The following RIMS1 variants were observed in gnomAD, a reference collection of about 807,000 sequenced individuals.
The protein encoded by RIMS1 is regulating synaptic membrane exocytosis 1.
Under a neutral mutation model 214.1 loss-of-function variants are expected in RIMS1, and 83 were observed. The observed-to-expected ratio is 0.39, with a 90% CI of 0.32 to 0.47. The LOEUF (loss-of-function observed/expected upper bound fraction) is 0.47, where lower values mean the gene tolerates loss of function less well. Ranked by LOEUF, RIMS1 falls within the 20% of genes least tolerant of loss-of-function variation. The pLI is 0.99. For synonymous variants in RIMS1, 793 were observed against 786.8 expected (o/e 1.01, Z -0.13); for missense variants, 2,050 against 2,161.8 (o/e 0.95, Z 1.03).
At chr6:72,134,808 T>C (rs1438600800) in intron 4 of RIMS1, among the ~76,000 whole-genome samples, 1 of 152,064 alleles carries the variant, frequency 6.6e-6, no homozygotes, top group African/African-American at 2.4e-5. Context: ...AAATACATTC[T>C]CCCTCATCTC....
At chr6:72,196,369 GTCTGTCTGTCTA>G (rs1214107168) in intron 6 of RIMS1, among the ~76,000 whole-genome samples, 38 of 123,040 alleles carry the variant, frequency 3.1e-4, no homozygotes, top group African/African-American at 1.2e-3. Flanking sequence ...CTGTCTGTCT[GTCTGTCTGTCTA>G]TCTATCTATC....
intron 28 of RIMS1, among the ~76,000 whole-genome samples, chr6:72,319,292 A>G (rs1402775680): frequency 6.6e-6 from 1 of 152,060 alleles, no homozygotes; most frequent in Non-Finnish European, 1.5e-5. Context: ...GAAAGAAGAG[A>G]GTGCCAGCAG....
intron 4 of RIMS1, among the ~76,000 whole-genome samples, chr6:72,165,221 A>G (rs1461378612): frequency 6.6e-6 from 1 of 152,110 alleles, no homozygotes; most frequent in Non-Finnish European, 1.5e-5. Context: ...TACTGATCTT[A>G]TATTCTGTTT....
At chr6:72,097,581 G>A (rs138176606) in intron 3 of RIMS1, among the ~76,000 whole-genome samples, 171 of 152,318 alleles carry the variant, frequency 1.1e-3, no homozygotes, top group East Asian at 0.01. Context: ...ATAACTGAAT[G>A]TCATATATTA....
At chr6:72,013,309 A>C (rs1811514028) in intron 2 of RIMS1, among the ~76,000 whole-genome samples, 1 of 152,342 alleles carries the variant, frequency 6.6e-6, no homozygotes, top group African/African-American at 2.4e-5. Flanking sequence ...TGTCATAATA[A>C]GTACAGGATT....
At chr6:72,109,107 A>G (rs914705731) in intron 4 of RIMS1, among the ~76,000 whole-genome samples, 1 of 152,006 alleles carries the variant, frequency 6.6e-6, no homozygotes, top group African/African-American at 2.4e-5. Flanking sequence ...TCATTGTTGG[A>G]CATTTGGGTT....
At chr6:72,168,767 G>A (rs2046631311) in intron 4 of RIMS1, among the ~76,000 whole-genome samples, 1 of 145,530 alleles carries the variant, frequency 6.9e-6, no homozygotes, top group African/African-American at 2.6e-5. Flanking sequence ...GCCTTTTCCT[G>A]GTGCTGGCTG....
intron 1 of RIMS1, among the ~76,000 whole-genome samples, chr6:71,967,199 T>C (rs1316823177): frequency 3.9e-5 from 6 of 152,070 alleles, no homozygotes; most frequent in African/African-American, 1.4e-4. Flanking sequence ...CCATCCTGGC[T>C]AACATGGTGA....
chr6:72,088,168 A>G (rs1835152318), intron 2 of RIMS1, among the ~76,000 whole-genome samples: 1 of 151,830 alleles, frequency 6.6e-6, no homozygotes, highest in South Asian at 2.1e-4. Flanking sequence ...TGATTTCACC[A>G]TTCTTCTGCC....
chr6:72,261,376 A>T (rs962572300), intron 19 of RIMS1: 1 of 986,966 alleles, frequency 1.0e-6, no homozygotes. Context: ...ACAAAGGCAT[A>T]TAACAGTATG....
intron 4 of RIMS1, among the ~76,000 whole-genome samples, chr6:72,150,016 C>A (rs1166475819): frequency 6.6e-6 from 1 of 152,106 alleles, no homozygotes; most frequent in African/African-American, 2.4e-5. Context: ...GTTACACTGA[C>A]AATCGAAAGG....
At chr6:71,985,282 T>G (rs1168371712) in intron 2 of RIMS1, among the ~76,000 whole-genome samples, 2 of 152,200 alleles carry the variant, frequency 1.3e-5, no homozygotes, top group East Asian at 3.9e-4. Context: ...TCCCAGCTAC[T>G]CGGGAGGCTG....
intron 1 of RIMS1, among the ~76,000 whole-genome samples, chr6:71,959,643 T>A (rs1420618705): frequency 6.6e-6 from 1 of 152,030 alleles, no homozygotes; most frequent in African/African-American, 2.4e-5. Context: ...CATTATCTGA[T>A]AACTATCTCT....
rs1193552990 is a variant in RIMS1, at chr6:72,152,825, T to C, written c.472-26750T>C. Among the ~76,000 whole-genome samples the C allele has an allele frequency of 7.4e-5, 4 of 53,972 alleles. 1 individual carries two copies. Among genetic ancestry groups the C allele is most frequent in the African/African-American group, 4.7e-4 (4 of 8,520 alleles). The allele number at this position is 53,972 out of a possible 152,430, so 35.4% of individuals were successfully genotyped here. A position where few individuals can be genotyped will look rare whatever the true frequency, so the allele number is the denominator to read the frequency against. On this transcript the variant is annotated intron_variant, in intron 4 of 33. Coordinates refer to ENST00000521978, the MANE Select transcript of RIMS1 (RefSeq NM_014989.7). ...TATATATATGTATATATATGGAATATATGTATATATATGTATATATGGAAT... is the reference window on the plus strand; with the variant it reads ...TATATATATGTATATATATGGAATACATGTATATATATGTATATATGGAAT...
intron 2 of RIMS1, among the ~76,000 whole-genome samples, chr6:72,047,979 C>G (rs539797184): frequency 6.6e-6 from 1 of 152,250 alleles, no homozygotes; most frequent in South Asian, 2.1e-4. Context: ...AGCAAAACAA[C>G]TTATACATTC....
At chr6:72,268,295 T>A (rs570202157) in intron 22 of RIMS1, among the ~76,000 whole-genome samples, 59 of 151,966 alleles carry the variant, frequency 3.9e-4, no homozygotes, top group Admixed American at 1.8e-3. Flanking sequence ...GCTTAGAGGG[T>A]TTTCGAGGCT....
intron 12 of RIMS1, among the ~76,000 whole-genome samples, chr6:72,249,433 G>A (rs1019300048): frequency 4.6e-5 from 7 of 152,058 alleles, no homozygotes; most frequent in Admixed American, 1.3e-4. Flanking sequence ...GATGTCATTT[G>A]TGTATTGTAT....
chr6:72,030,849 A>C (rs1266328538), intron 2 of RIMS1, among the ~76,000 whole-genome samples: 1 of 152,144 alleles, frequency 6.6e-6, no homozygotes, highest in Non-Finnish European at 1.5e-5. Context: ...TCAAAGAAAG[A>C]TTTAGTTCAA....
At chr6:72,097,989 G>A (rs2032342707) in intron 3 of RIMS1, among the ~76,000 whole-genome samples, 2 of 152,054 alleles carry the variant, frequency 1.3e-5, no homozygotes, top group South Asian at 2.1e-4. Context: ...AGATTTCCTT[G>A]ATAGAGATCT....
Sources: gnomAD v4.1 joint callset for allele counts (sites outside exome capture counted in the v4.1 genomes callset) on GRCh38, gnomAD v4.1.1 for gene constraint, MANE v1.5 for transcripts, NCBI Gene and HGNC (gene_info 2026-07-23, HGNC 2026-07-21) for gene names.